MYCBP2: variants seen among roughly 807,000 people sequenced by gnomAD.
The protein encoded by MYCBP2 is MYC binding protein 2.
Under a neutral mutation model 525.3 loss-of-function variants are expected in MYCBP2, and 120 were observed. The ratio of observed to expected loss-of-function variants is 0.23; its 90% CI spans 0.20 to 0.27. The LOEUF is 0.27. Among genes scored for constraint, MYCBP2 ranks in the 10% least tolerant of loss-of-function variants. The pLI, the probability that MYCBP2 is intolerant of heterozygous loss-of-function variation, is 1.00. For synonymous variants in MYCBP2, 1,894 were observed against 1,955.8 expected (o/e 0.97, Z 0.83); for missense variants, 4,149 against 5,657.1 (o/e 0.73, Z 8.55).
chr13:77,049,759 G>C (rs529787597), intron 82 of MYCBP2, among the ~76,000 whole-genome samples: 2 of 151,880 alleles, frequency 1.3e-5, no homozygotes, highest in Non-Finnish European at 2.9e-5. Flanking sequence ...CCTCAGCCTC[G>C]TGAGTAGCTC....
chr13:77,326,325 C>G lies in MYCBP2; in HGVS notation c.302+149G>C. ...CCGCACCCTCCTATCTCGATAAGTG[C>G]TCCTGCCAACAGACATCCAGAGCGG... is the stretch of plus-strand genomic sequence containing the variant. On this transcript the variant is annotated intron_variant, in intron 1 of 82. Coordinates refer to ENST00000544440, the MANE Select transcript of MYCBP2 (RefSeq NM_015057.5). The surrounding 1 kb of genome is among the most constrained non-coding windows in gnomAD (Gnocchi z 4.2). The G allele has an allele frequency of 1.4e-6, 1 of 737,468 alleles. No individual in the cohort carries two copies. The highest frequency in any genetic ancestry group is 2.1e-6 in the Non-Finnish European group (1 of 483,776). The allele number at this position is 737,468 out of a possible 1,614,324, so 45.7% of individuals were successfully genotyped here.
At chr13:77,199,410 G>A (rs1415249539) in intron 26 of MYCBP2, among the ~76,000 whole-genome samples, 1 of 152,240 alleles carries the variant, frequency 6.6e-6, no homozygotes, top group Non-Finnish European at 1.5e-5. Flanking sequence ...GAGTCTCGCT[G>A]ATTGCTAGCA....
intron 47 of MYCBP2, among the ~76,000 whole-genome samples, chr13:77,146,729 A>T (rs1280698588): frequency 6.6e-6 from 1 of 152,204 alleles, no homozygotes; most frequent in African/African-American, 2.4e-5. Context: ...ACAAAACTAA[A>T]ATAAATCACA....
At chr13:77,324,821 T>C (rs949970348) in intron 1 of MYCBP2, among the ~76,000 whole-genome samples, 5 of 152,208 alleles carry the variant, frequency 3.3e-5, no homozygotes, top group African/African-American at 1.2e-4. Flanking sequence ...AGTCAAAAAT[T>C]ATTGCATAAG....
intron 68 of MYCBP2, among the ~76,000 whole-genome samples, chr13:77,073,120 A>C (rs760343411): frequency 1.3e-5 from 2 of 152,138 alleles, no homozygotes; most frequent in African/African-American, 2.4e-5. Context: ...TTACTTCTAA[A>C]AGAAGCACTA....
At chr13:77,279,725 C>A (rs936450762) in intron 3 of MYCBP2, among the ~76,000 whole-genome samples, 1 of 152,142 alleles carries the variant, frequency 6.6e-6, no homozygotes, top group Non-Finnish European at 1.5e-5. Context: ...ATAAATACCT[C>A]CTAAGCACTC....
At chr13:77,118,599 A>G (rs1427822847) in intron 55 of MYCBP2, 2 of 626,074 alleles carry the variant, frequency 3.2e-6, no homozygotes, top group Non-Finnish European at 5.8e-6. Context: ...TGAACACTAA[A>G]TAAAACCATG....
intron 1 of MYCBP2, among the ~76,000 whole-genome samples, chr13:77,313,879 A>G (rs1303463639): frequency 6.6e-6 from 1 of 152,122 alleles, no homozygotes; most frequent in African/African-American, 2.4e-5. Flanking sequence ...AACAAGATAT[A>G]TAGATGGCAA....
intron 5 of MYCBP2, 48 bp from the exon 6 acceptor site, chr13:77,270,586 C>A: frequency 6.6e-7 from 1 of 1,512,172 alleles, no homozygotes; most frequent in South Asian, 1.3e-5. Flanking sequence ...TTAAATGTTA[C>A]AAACACAGAA....
chr13:77,183,541 CT>C (rs60927409), intron 32 of MYCBP2, among the ~76,000 whole-genome samples: 1,065 of 65,928 alleles, frequency 0.016, 2 homozygotes, highest in East Asian at 0.067. Context: ...GTCCCTATTT[CT>C]TTTTTTTTTT....
chr13:77,047,956 T>A (rs1593992443), intron 82 of MYCBP2, among the ~76,000 whole-genome samples: 1 of 152,114 alleles, frequency 6.6e-6, no homozygotes, highest in East Asian at 1.9e-4. Context: ...CAGAGAGCTT[T>A]CTTCTTTTGC....
chr13:77,083,010 G>A (rs913292880), intron 63 of MYCBP2, 22 bp downstream of exon 63: 3 of 1,605,092 alleles, frequency 1.9e-6, no homozygotes, highest in Non-Finnish European at 2.6e-6. Context: ...ATGTACCTAG[G>A]ATATGTGGAT....
intron 69 of MYCBP2, 139 bp downstream of exon 69, chr13:77,070,492 C>T (rs1555305072): frequency 1.9e-6 from 1 of 516,576 alleles, no homozygotes; most frequent in Non-Finnish European, 3.4e-6. Flanking sequence ...AATTCTTTTT[C>T]TTCAAATATG....
In MYCBP2 at chr13:77,206,682, G is replaced by A. The variant is rs1406800757; in HGVS notation, c.3560C>T (p.Thr1187Ile). 1.2e-6 allele frequency: 2 copies of A among 1,606,016 alleles called. No individual in the cohort carries two copies. Among genetic ancestry groups the A allele is most frequent in the Non-Finnish European group, 1.7e-6 (2 of 1,176,010 alleles). The change falls in exon 24 of 83, where the codon ACC becomes ATC. Residue 1187 changes from threonine (T) to isoleucine (I), a missense_variant. Physicochemically the swap from Thr to Ile is moderately conservative, Grantham distance 89. Coordinates refer to ENST00000544440, the MANE Select transcript of MYCBP2 (RefSeq NM_015057.5). ...ALPTGSRALTTRSHAALHILG... is the reference protein window; with the variant it reads ...ALPTGSRALTIRSHAALHILG... ...AATGTGCAAAGCTGCATGAGATCGG[G>A]TAGTGAGGGCCCTTGATCCTGTTGG...
At chr13:77,246,093 G>A (rs1340536299) in intron 15 of MYCBP2, among the ~76,000 whole-genome samples, 4 of 152,094 alleles carry the variant, frequency 2.6e-5, no homozygotes, top group African/African-American at 9.7e-5. Context: ...TTTGTAGAAG[G>A]TATAGCTTTA....
chr13:77,210,665 T>C (rs1334249944), intron 23 of MYCBP2, among the ~76,000 whole-genome samples: 1 of 152,240 alleles, frequency 6.6e-6, no homozygotes, highest in Non-Finnish European at 1.5e-5. Flanking sequence ...TTATCTTCTT[T>C]ATTCTTTATT....
chr13:77,265,210 A>C (rs2073906184), intron 8 of MYCBP2, among the ~76,000 whole-genome samples: 1 of 152,144 alleles, frequency 6.6e-6, no homozygotes. Context: ...TGGTAATCAA[A>C]GAGAGGAGAA....
At chr13:77,268,036 A>C in intron 7 of MYCBP2, 99 bp from the exon 8 acceptor site, 2 of 632,616 alleles carry the variant, frequency 3.2e-6, no homozygotes, top group Non-Finnish European at 2.8e-6. Flanking sequence ...GAGGTACAAT[A>C]ATACATCAAT....
chr13:77,077,174 G>T lies in MYCBP2; in HGVS notation c.11698C>A (p.Arg3900=). ...QQRNCEAETL[R]VFRLITSQVF... ...TGAGACGTAATCAGTCTGAATACTC[G>T]CAGAGTCTCAGCTTCACAGTTCCTC... Residue 3900 remains arginine (R), a synonymous_variant, in exon 67 of 83, where the codon CGA becomes AGA. Coordinates refer to ENST00000544440, the MANE Select transcript of MYCBP2 (RefSeq NM_015057.5). 1 of 1,613,770 alleles carries T rather than the reference G, an allele frequency of 6.2e-7. No homozygotes were observed. The highest frequency in any genetic ancestry group is 1.1e-5 in the South Asian group (1 of 91,076).
Sources: allele counts gnomAD v4.1 joint callset (sites outside exome capture counted in the v4.1 genomes callset), GRCh38; gene constraint gnomAD v4.1.1; non-coding constraint Gnocchi (gnomAD v3.1); transcripts MANE v1.5; gene names NCBI Gene and HGNC (gene_info 2026-07-23, HGNC 2026-07-21).